EPHB1: variants seen among roughly 807,000 people sequenced by gnomAD.
EPHB1 encodes the protein ephrin type-B receptor 1.
A neutral mutation model predicts 94.4 loss-of-function variants in EPHB1; 30 were observed. The ratio of observed to expected loss-of-function variants is 0.32; its 90% CI spans 0.24 to 0.43. The LOEUF (loss-of-function observed/expected upper bound fraction) is 0.43, where lower values mean the gene tolerates loss of function less well. Among genes scored for constraint, EPHB1 ranks in the 20% least tolerant of loss-of-function variants. The pLI is 1.00. For synonymous variants in EPHB1, 522 were observed against 489.1 expected (o/e 1.07, Z -0.89); for missense variants, 1,055 against 1,308.3 (o/e 0.81, Z 2.99).
intron 3 of EPHB1, among the ~76,000 whole-genome samples, chr3:135,100,728 T>C (rs1441118038): frequency 2.0e-5 from 3 of 152,092 alleles, no homozygotes; most frequent in African/African-American, 7.2e-5. Context: ...CAGAAGGTCA[T>C]TTGTCATATC....
At chr3:134,997,142 C>T (rs1290573842) in intron 3 of EPHB1, among the ~76,000 whole-genome samples, 1 of 152,184 alleles carries the variant, frequency 6.6e-6, no homozygotes, top group African/African-American at 2.4e-5. Flanking sequence ...TTCCCAGTAG[C>T]TAACTTGTGT....
intron 2 of EPHB1, among the ~76,000 whole-genome samples, chr3:134,945,671 T>G (rs189804043): frequency 6.6e-6 from 1 of 152,350 alleles, no homozygotes; most frequent in East Asian, 1.9e-4. Flanking sequence ...GCAAATCTGA[T>G]AAGCAAATCA....
chr3:135,038,281 G>T (rs1298877868), intron 3 of EPHB1, among the ~76,000 whole-genome samples: 1 of 152,176 alleles, frequency 6.6e-6, no homozygotes, highest in Non-Finnish European at 1.5e-5. Flanking sequence ...TTGAATCTGG[G>T]CTGGGCTGTG....
At chr3:135,255,300 A>G (rs1933328606) in intron 15 of EPHB1, among the ~76,000 whole-genome samples, 1 of 151,428 alleles carries the variant, frequency 6.6e-6, no homozygotes. Context: ...TTTAATTGTG[A>G]TGTTTGTTAG....
At chr3:135,104,322 G>T (rs115170962) in intron 3 of EPHB1, among the ~76,000 whole-genome samples, 245 of 152,362 alleles carry the variant, frequency 1.6e-3, no homozygotes, top group African/African-American at 5.8e-3. Context: ...TAATGAGTGG[G>T]CTGGGAAAGA....
chr3:135,031,364 T>C (rs1386347400), intron 3 of EPHB1, among the ~76,000 whole-genome samples: 6 of 152,178 alleles, frequency 3.9e-5, no homozygotes. Flanking sequence ...GTCTGGAGTG[T>C]AGTGGCCTGG....
At chr3:134,813,920 G>A (rs2036219999) in intron 1 of EPHB1, among the ~76,000 whole-genome samples, 1 of 152,180 alleles carries the variant, frequency 6.6e-6, no homozygotes, top group South Asian at 2.1e-4. Context: ...ATGCTCAAAA[G>A]CAAAGATGCA....
chr3:135,221,651 G>T (rs1036897140), intron 12 of EPHB1, among the ~76,000 whole-genome samples: 4 of 152,110 alleles, frequency 2.6e-5, no homozygotes, highest in Non-Finnish European at 5.9e-5. Context: ...TTTTAGTTCT[G>T]GTTCTACCAG....
intron 3 of EPHB1, among the ~76,000 whole-genome samples, chr3:135,013,234 C>T (rs1332270418): frequency 2.0e-5 from 3 of 152,242 alleles, no homozygotes; most frequent in Non-Finnish European, 4.4e-5. Context: ...CCCACCCTCT[C>T]AGGACCTTAG....
intron 4 of EPHB1, among the ~76,000 whole-genome samples, chr3:135,122,486 CTTGAGCCACA>C (rs2107683592): frequency 6.6e-6 from 1 of 152,252 alleles, no homozygotes; most frequent in Non-Finnish European, 1.5e-5. Context: ...TTGGCCCCAC[CTTGAGCCACA>C]GCTAGAAGAT....
intron 11 of EPHB1, 80 bp from the exon 12 acceptor site, chr3:135,201,394 C>G: frequency 6.9e-7 from 1 of 1,440,050 alleles, no homozygotes; most frequent in Non-Finnish European, 9.7e-7. Flanking sequence ...AGCTGACAAG[C>G]AGCAGGGCCA....
At chr3:135,116,223 A>G (rs1939702224) in intron 4 of EPHB1, among the ~76,000 whole-genome samples, 3 of 152,172 alleles carry the variant, frequency 2.0e-5, no homozygotes, top group Admixed American at 1.3e-4. Flanking sequence ...CAAAACAAAA[A>G]CAAAAACAAA....
At chr3:135,066,018 GATA>G (rs1209574961) in intron 3 of EPHB1, among the ~76,000 whole-genome samples, 1 of 152,212 alleles carries the variant, frequency 6.6e-6, no homozygotes, top group African/African-American at 2.4e-5. Flanking sequence ...GGAGGCTAAA[GATA>G]GGGTCCCAGT....
chr3:135,042,423 G>A (rs1156487363), intron 3 of EPHB1, among the ~76,000 whole-genome samples: 3 of 152,106 alleles, frequency 2.0e-5, no homozygotes, highest in Admixed American at 2.0e-4. Flanking sequence ...TTTTCACAAA[G>A]AACAGTATTT....
chr3:134,863,309 A>G (rs1404058538), intron 1 of EPHB1, among the ~76,000 whole-genome samples: 1 of 152,218 alleles, frequency 6.6e-6, no homozygotes. Context: ...TCATACTGCA[A>G]TTGCTTATGT....
intron 1 of EPHB1, among the ~76,000 whole-genome samples, chr3:134,894,251 TC>T (rs2038044174): frequency 6.6e-6 from 1 of 152,170 alleles, no homozygotes; most frequent in Non-Finnish European, 1.5e-5. Context: ...TCCCTGGATG[TC>T]CCCTTTTCAC....
At chr3:135,161,280 G>T (rs939804604) in intron 6 of EPHB1, among the ~76,000 whole-genome samples, 24 of 152,194 alleles carry the variant, frequency 1.6e-4, no homozygotes, top group African/African-American at 5.5e-4. Context: ...GAGAGTGACA[G>T]ACAGGAGAAT....
At chr3:135,215,181 A>G (rs576852713) in intron 12 of EPHB1, among the ~76,000 whole-genome samples, 39 of 149,380 alleles carry the variant, frequency 2.6e-4, no homozygotes, top group African/African-American at 7.4e-4. Context: ...TTTTTTTTTT[A>G]AGACAGAGTT....
chr3:134,860,021 G>A (rs58493867), intron 1 of EPHB1, among the ~76,000 whole-genome samples: 13,909 of 152,010 alleles, frequency 0.092, 638 homozygotes, highest in Middle Eastern at 0.12. Context: ...AATATATTAT[G>A]TATTTCACCT....
Sources: gnomAD v4.1 joint callset for allele counts (sites outside exome capture counted in the v4.1 genomes callset) on GRCh38, gnomAD v4.1.1 for gene constraint, MANE v1.5 for transcripts, NCBI Gene and HGNC (gene_info 2026-07-23, HGNC 2026-07-21) for gene names.